The following PTHLH variants were observed in gnomAD, a reference collection of about 807,000 sequenced individuals.
PTHLH encodes the protein parathyroid hormone-related protein.
Under a neutral mutation model 18.6 loss-of-function variants are expected in PTHLH, and 5 were observed. The observed-to-expected ratio is 0.27, with a 90% confidence interval of 0.14 to 0.56. The LOEUF (loss-of-function observed/expected upper bound fraction) is 0.56, where lower values mean the gene tolerates loss of function less well. PTHLH is among the 20% of genes least tolerant of loss of function. The probability of loss-of-function intolerance (pLI) is 0.92; values close to 1 mark genes in which losing one functional copy is unlikely to be tolerated. For missense variants in PTHLH, 207 were observed against 223.9 expected, an observed-to-expected ratio of 0.92 and a Z score of 0.48; for synonymous variants, 90 against 94.0, an observed-to-expected ratio of 0.96 and a Z score of 0.25.
At chr12:27,971,005 C>T (rs960946924) in intron 2 of PTHLH, among the ~76,000 whole-genome samples, 3 of 152,094 alleles carry the variant, frequency 2.0e-5, no homozygotes, top group South Asian at 2.1e-4. Context: ...CATCTGGAGC[C>T]GGTCCCAAAA....
intron 4 of PTHLH, among the ~76,000 whole-genome samples, chr12:27,964,930 T>C (rs2062798530): frequency 6.6e-6 from 1 of 152,216 alleles, no homozygotes; most frequent in African/African-American, 2.4e-5. Flanking sequence ...CTCCAATTTC[T>C]ACCATTGGAA....
chr12:27,959,305 G>A (rs1334395944), intron 5 of PTHLH, among the ~76,000 whole-genome samples: 1 of 152,116 alleles, frequency 6.6e-6, no homozygotes, highest in East Asian at 1.9e-4. Context: ...TTAGCATTGG[G>A]AAAGTCTACT....
chr12:27,964,534 T>G (rs2062795036), intron 4 of PTHLH, among the ~76,000 whole-genome samples: 1 of 151,862 alleles, frequency 6.6e-6, no homozygotes, highest in African/African-American at 2.4e-5. Context: ...TGTAAAGTAG[T>G]GGGTGGTCTC....
intron 4 of PTHLH, among the ~76,000 whole-genome samples, chr12:27,965,290 G>A (rs1428841032): frequency 6.6e-6 from 1 of 152,220 alleles, no homozygotes; most frequent in Non-Finnish European, 1.5e-5. Flanking sequence ...AGCTGAAGCT[G>A]AAGTCCCAGC....
At chr12:27,965,723 T>A (rs2062806931) in intron 4 of PTHLH, among the ~76,000 whole-genome samples, 1 of 152,224 alleles carries the variant, frequency 6.6e-6, no homozygotes, top group African/African-American at 2.4e-5. Flanking sequence ...TGTGACTAGA[T>A]TAAAATTCAC....
At chr12:27,967,758 T>A (rs946255265) in intron 4 of PTHLH, among the ~76,000 whole-genome samples, 3 of 152,218 alleles carry the variant, frequency 2.0e-5, no homozygotes, top group Non-Finnish European at 4.4e-5. Context: ...ATATTATATT[T>A]CACCCACAAA....
Position 27,970,276 on chromosome 12 carries a change from G to C in PTHLH, c.-265-9C>G. On this transcript the variant is annotated splice_polypyrimidine_tract_variant and intron_variant, in intron 2 of 5. Coordinates refer to ENST00000545234, the MANE Select transcript of PTHLH (RefSeq NM_198965.2). ...CACGCTCCGAGGCAAACCTGCCGGA[G>C]AAGTGAGCTAGTCGCAAAGAGGTGG... is the stretch of plus-strand genomic sequence containing the variant. The C allele has an allele frequency of 2.6e-6, 1 of 387,970 alleles. No homozygotes were observed. Among genetic ancestry groups the C allele is most frequent in the Non-Finnish European group, 5.1e-6 (1 of 194,478 alleles). The allele number at this position is 387,970 out of a possible 1,614,324, so 24.0% of individuals were successfully genotyped here.
At chr12:27,961,311 A>ACGTATATATATATACACG (rs3032442) in intron 5 of PTHLH, among the ~76,000 whole-genome samples, 8 of 108,710 alleles carry the variant, frequency 7.4e-5, no homozygotes, top group Non-Finnish European at 1.1e-4. Context: ...GTATATATAT[A>ACGTATATATATATACACG]TATATATATA....
At chr12:27,961,305 A>ATATATATACGTG (rs1565520122) in intron 5 of PTHLH, among the ~76,000 whole-genome samples, 1 of 42,484 alleles carries the variant, frequency 2.4e-5, no homozygotes, top group Non-Finnish European at 4.5e-5. Context: ...ATATACGTAT[A>ATATATATACGTG]TATATATATA....
chr12:27,969,078 C>A, intron 4 of PTHLH: 1 of 366,188 alleles, frequency 2.7e-6, no homozygotes, highest in Non-Finnish European at 5.1e-6. Context: ...CTGACAGTAA[C>A]CACCACCCCC....
chr12:27,964,025 G>A (rs1809820574), intron 4 of PTHLH, among the ~76,000 whole-genome samples: 1 of 152,060 alleles, frequency 6.6e-6, no homozygotes, highest in Admixed American at 6.6e-5. Context: ...GAACATTCTT[G>A]GGCCTCATGG....
chr12:27,968,855 G>A (rs896438320), intron 4 of PTHLH, among the ~76,000 whole-genome samples: 5 of 152,220 alleles, frequency 3.3e-5, no homozygotes, highest in African/African-American at 9.7e-5. Context: ...CCACTGCAAA[G>A]TTGTTGCTAC....
chr12:27,965,742 C>A (rs33091), intron 4 of PTHLH, among the ~76,000 whole-genome samples: 2 of 152,040 alleles, frequency 1.3e-5, no homozygotes, highest in African/African-American at 2.4e-5. Flanking sequence ...ACTTACTCTG[C>A]GGTAATAGTT....
intron 5 of PTHLH, chr12:27,962,816 T>C: frequency 1.0e-6 from 1 of 969,564 alleles, no homozygotes; most frequent in Non-Finnish European, 1.2e-6. Context: ...TTAAAATAAA[T>C]TTGAGATTTA....
intron 5 of PTHLH, among the ~76,000 whole-genome samples, chr12:27,961,323 G>GTATATATATATACGTATATATATACA (rs200143763): frequency 5.4e-5 from 5 of 91,942 alleles, no homozygotes; most frequent in African/African-American, 2.0e-4. Flanking sequence ...ATATATATAC[G>GTATATATATATACGTATATATATACA]TATATATATA....
chr12:27,962,814 A>C (rs1487162571), intron 5 of PTHLH: 11 of 969,700 alleles, frequency 1.1e-5, no homozygotes, highest in Non-Finnish European at 1.2e-5. Flanking sequence ...CATTAAAATA[A>C]ATTTGAGATT....
chr12:27,961,323 G>GTATATATATATATATATATATACGTA (rs200143763), intron 5 of PTHLH, among the ~76,000 whole-genome samples: 2 of 91,940 alleles, frequency 2.2e-5, no homozygotes, highest in African/African-American at 4.1e-5. Flanking sequence ...ATATATATAC[G>GTATATATATATATATATATATACGTA]TATATATATA....
At chr12:27,970,986 G>T (rs886953069) in intron 2 of PTHLH, among the ~76,000 whole-genome samples, 1 of 152,152 alleles carries the variant, frequency 6.6e-6, no homozygotes, top group Admixed American at 6.5e-5. Context: ...TTTCAGAACT[G>T]CTGGGAGACA....
At chr12:27,970,687 G>A (rs917009663) in intron 2 of PTHLH, among the ~76,000 whole-genome samples, 1 of 152,238 alleles carries the variant, frequency 6.6e-6, no homozygotes, top group African/African-American at 2.4e-5. Context: ...CGAGCTGGAC[G>A]AGCGGGCGCC....
Sources: gnomAD v4.1 joint callset for allele counts (sites outside exome capture counted in the v4.1 genomes callset) on GRCh38, gnomAD v4.1.1 for gene constraint, MANE v1.5 for transcripts, NCBI Gene and HGNC (gene_info 2026-07-23, HGNC 2026-07-21) for gene names.